The following THSD4 variants were observed in gnomAD, a reference collection of about 807,000 sequenced individuals.
THSD4 encodes thrombospondin type 1 domain containing 4.
Under a neutral mutation model 119.0 loss-of-function variants are expected in THSD4, and 69 were observed. The ratio of observed to expected loss-of-function variants is 0.58; its 90% CI spans 0.48 to 0.71. The LOEUF (loss-of-function observed/expected upper bound fraction) is 0.71, where lower values mean the gene tolerates loss of function less well. Among genes scored for constraint, THSD4 ranks in the 30% least tolerant of loss-of-function variants. The probability of loss-of-function intolerance (pLI) is 0.00; values close to 1 mark genes in which losing one functional copy is unlikely to be tolerated. For synonymous variants in THSD4, 524 were observed against 540.4 expected (o/e 0.97, Z 0.42); for missense variants, 1,393 against 1,391.1 (o/e 1.00, Z -0.02).
chr15:71,373,255 G>A (rs1372864983), intron 6 of THSD4, among the ~76,000 whole-genome samples: 3 of 152,100 alleles, frequency 2.0e-5, no homozygotes, highest in Non-Finnish European at 4.4e-5. Flanking sequence ...TGCTTTTTGG[G>A]TCAGAAATAT....
intron 6 of THSD4, among the ~76,000 whole-genome samples, chr15:71,395,394 C>T (rs1182633686): frequency 6.6e-6 from 1 of 152,162 alleles, no homozygotes; most frequent in Non-Finnish European, 1.5e-5. Context: ...CATGGCAGCT[C>T]ACAAGGACTG....
At chr15:71,341,408 G>A in intron 6 of THSD4, 1 of 1,611,928 alleles carries the variant, frequency 6.2e-7, no homozygotes, top group Non-Finnish European at 8.5e-7. Context: ...CTTAAGTTCA[G>A]CATTACTCTC....
intron 7 of THSD4, among the ~76,000 whole-genome samples, chr15:71,433,672 C>T (rs2046970255): frequency 6.6e-6 from 1 of 152,066 alleles, no homozygotes; most frequent in South Asian, 2.1e-4. Flanking sequence ...ATACTAGGTA[C>T]AGAGCCCAGG....
chr15:71,342,118 G>C (rs1403788689), intron 6 of THSD4, among the ~76,000 whole-genome samples: 1 of 145,234 alleles, frequency 6.9e-6, no homozygotes, highest in African/African-American at 2.6e-5. Context: ...TCCTTTGATT[G>C]ACTGAAACGC....
chr15:71,164,302 A>G (rs1308090030), intron 3 of THSD4, among the ~76,000 whole-genome samples: 1 of 152,050 alleles, frequency 6.6e-6, no homozygotes, highest in Non-Finnish European at 1.5e-5. Context: ...GAAAAGGACA[A>G]CAATACTAAT....
At chr15:71,550,934 A>G (rs1418015814) in intron 7 of THSD4, among the ~76,000 whole-genome samples, 1 of 152,226 alleles carries the variant, frequency 6.6e-6, no homozygotes, top group Non-Finnish European at 1.5e-5. Context: ...CATGTAAATT[A>G]TATCACAGTT....
chr15:71,717,412 T>C (rs2052630371), intron 8 of THSD4, among the ~76,000 whole-genome samples: 1 of 152,052 alleles, frequency 6.6e-6, no homozygotes, highest in Admixed American at 6.5e-5. Flanking sequence ...ATCACATTAG[T>C]GTAGGTGCTT....
chr15:71,199,035 TA>T (rs1289861915), intron 3 of THSD4, among the ~76,000 whole-genome samples: 4 of 152,184 alleles, frequency 2.6e-5, no homozygotes, highest in African/African-American at 4.8e-5. Context: ...TGACCTTGTT[TA>T]AAAATAGCCT....
intron 7 of THSD4, among the ~76,000 whole-genome samples, chr15:71,605,721 G>A (rs549215902): frequency 6.6e-6 from 1 of 152,318 alleles, no homozygotes; most frequent in African/African-American, 2.4e-5. Context: ...AAGTAAAGAT[G>A]TCAGAGAGCC....
At chr15:71,397,798 C>T (rs1427523517) in intron 6 of THSD4, among the ~76,000 whole-genome samples, 4 of 152,194 alleles carry the variant, frequency 2.6e-5, no homozygotes, top group Non-Finnish European at 5.9e-5. Context: ...AAAGGTTTCT[C>T]ATCTGTAAAA....
At chr15:71,564,715 A>G (rs1181054314) in intron 7 of THSD4, among the ~76,000 whole-genome samples, 1 of 134,230 alleles carries the variant, frequency 7.4e-6, no homozygotes, top group East Asian at 2.4e-4. Context: ...AATACAATAT[A>G]TATTGTATAT....
At chr15:71,130,117 AAAT>A (rs1456587312) in intron 1 of THSD4, among the ~76,000 whole-genome samples, 1 of 152,210 alleles carries the variant, frequency 6.6e-6, no homozygotes, top group Non-Finnish European at 1.5e-5. Context: ...TGTACCAGGT[AAAT>A]GTGAACACAG....
At chr15:71,565,844 G>GAATC (rs2049225730) in intron 7 of THSD4, among the ~76,000 whole-genome samples, 1 of 152,186 alleles carries the variant, frequency 6.6e-6, no homozygotes, top group Non-Finnish European at 1.5e-5. Context: ...AAAAGCAAGG[G>GAATC]AATCATTAAG....
chr15:71,556,185 A>G (rs2049013134), intron 7 of THSD4, among the ~76,000 whole-genome samples: 1 of 152,144 alleles, frequency 6.6e-6, no homozygotes. Context: ...TCATTTAAGA[A>G]TTTTTATCAG....
intron 7 of THSD4, among the ~76,000 whole-genome samples, chr15:71,472,186 G>A (rs867968826): frequency 6.6e-6 from 1 of 152,106 alleles, no homozygotes; most frequent in Non-Finnish European, 1.5e-5. Context: ...TAAAGTGCTG[G>A]AATTACAGGC....
At chr15:71,278,932 T>C (rs2044621240) in intron 6 of THSD4, among the ~76,000 whole-genome samples, 1 of 152,162 alleles carries the variant, frequency 6.6e-6, no homozygotes, top group Non-Finnish European at 1.5e-5. Context: ...GTCCAGGGGA[T>C]TGAAGTTTGG....
At chr15:71,633,221 C>A (rs1595809536) in intron 7 of THSD4, among the ~76,000 whole-genome samples, 3 of 151,812 alleles carry the variant, frequency 2.0e-5, no homozygotes, top group African/African-American at 7.3e-5. Flanking sequence ...GAATATAGTG[C>A]CTTGAATCAA....
chr15:71,706,087 GT>G (rs1157116148), intron 8 of THSD4, among the ~76,000 whole-genome samples: 1 of 152,146 alleles, frequency 6.6e-6, no homozygotes, highest in Non-Finnish European at 1.5e-5. Context: ...GTCGAGGCTG[GT>G]AAATGGCAGA....
At chr15:71,303,143 C>T (rs148548704) in intron 6 of THSD4, among the ~76,000 whole-genome samples, 2 of 152,288 alleles carry the variant, frequency 1.3e-5, no homozygotes, top group Non-Finnish European at 2.9e-5. Flanking sequence ...CAAGGCAAAA[C>T]ACTGGAAACT....
Sources: gnomAD v4.1 joint callset for allele counts (sites outside exome capture counted in the v4.1 genomes callset) on GRCh38, gnomAD v4.1.1 for gene constraint, MANE v1.5 for transcripts, NCBI Gene and HGNC (gene_info 2026-07-23, HGNC 2026-07-21) for gene names.